The following TPGS1 variants were observed in gnomAD, a reference collection of about 807,000 sequenced individuals.
TPGS1 encodes the protein tubulin polyglutamylase complex subunit 1.
A neutral mutation model predicts 11.9 loss-of-function variants in TPGS1; 18 were observed. The observed-to-expected ratio is 1.51, with a 90% CI of 1.04 to 2.24. The LOEUF is 2.24. Among genes scored for constraint, TPGS1 ranks in the 30% most tolerant of loss-of-function variants. The probability of loss-of-function intolerance (pLI) is 0.00; values close to 1 mark genes in which losing one functional copy is unlikely to be tolerated. For missense variants in TPGS1, 500 were observed against 443.0 expected (o/e 1.13, Z -1.16); for synonymous variants, 247 against 218.2 (o/e 1.13, Z -1.16).
At chr19:512,944 C>A (rs1231163629) in intron 1 of TPGS1, among the ~76,000 whole-genome samples, 2 of 152,238 alleles carry the variant, frequency 1.3e-5, no homozygotes, top group Non-Finnish European at 2.9e-5. Context: ...AAGAGCCGCG[C>A]GGGTTCCCCT....
rs1259652212 is a variant in TPGS1, at chr19:507,804, C to T, written c.298C>T (p.Arg100Cys). Reference protein sequence around the residue: ...QLLLQQQRLGRALWHLRLAHH... With the variant: ...QLLLQQQRLGCALWHLRLAHH... ...CCTGCTGCAGCAGCAGCGCCTGGGC[C>T]GCGCGCTATGGCACCTTCGCCTGGC... The change falls in exon 1 of 2, where the codon CGC becomes TGC. Residue 100 changes from arginine (R) to cysteine (C), a missense_variant. Arg to Cys is a radical substitution (Grantham distance 180). Coordinates refer to ENST00000359315, the MANE Select transcript of TPGS1 (RefSeq NM_033513.3). 2 of 1,377,118 alleles carry T rather than the reference C, an allele frequency of 1.5e-6. No individual in the cohort carries two copies. Among genetic ancestry groups the T allele is most frequent in the Non-Finnish European group, 1.9e-6 (2 of 1,069,284 alleles). The allele number at this position is 1,377,118 out of a possible 1,614,324, so 85.3% of individuals were successfully genotyped here. A position where few individuals can be genotyped will look rare whatever the true frequency, so the allele number is the denominator to read the frequency against.
In TPGS1 at chr19:519,080, C is replaced by T; in HGVS notation, c.530C>T (p.Pro177Leu). ...CAGTGCCGTGACCACGAGGCGGTGC[C>T]GCTGAGCGTCTTCCGCGCGGGCACA... ...KVQCRDHEAV[P>L]LSVFRAGTLT... Residue 177 changes from proline (P) to leucine (L), a missense_variant, in exon 2 of 2, where the codon CCG (proline) becomes CTG (leucine). Physicochemically the swap from Pro to Leu is moderately conservative, Grantham distance 98 (BLOSUM62 -3). Transcript: ENST00000359315. 1 of 1,533,582 alleles carries T rather than the reference C, an allele frequency of 6.5e-7. No individual in the cohort carries two copies. Among genetic ancestry groups the T allele is most frequent in the African/African-American group, 1.4e-5 (1 of 72,112 alleles). The allele number at this position is 1,533,582 out of a possible 1,614,324, so 95.0% of individuals were successfully genotyped here.
At chr19:516,230 C>T (rs982519412) in intron 1 of TPGS1, among the ~76,000 whole-genome samples, 5 of 152,088 alleles carry the variant, frequency 3.3e-5, no homozygotes, top group Admixed American at 2.6e-4. Flanking sequence ...AGGTGATCAC[C>T]GGCTCAGCTG....
At chr19:513,569 C>T (rs1274208919) in intron 1 of TPGS1, among the ~76,000 whole-genome samples, 1 of 148,378 alleles carries the variant, frequency 6.7e-6, no homozygotes, top group Admixed American at 6.7e-5. Flanking sequence ...ACTGTGCACC[C>T]GCCCAGCATT....
intron 1 of TPGS1, among the ~76,000 whole-genome samples, chr19:511,304 C>T (rs898350275): frequency 3.6e-4 from 55 of 152,360 alleles, no homozygotes; most frequent in Admixed American, 3.5e-3. Context: ...CCAGGAGGGG[C>T]GGGTATGCGG....
Position 518,886 on chromosome 19 carries a change from C to T in TPGS1, c.339-3C>T. 2.0e-6 allele frequency: 3 copies of T among 1,515,404 alleles called. No individual in the cohort carries two copies. Among genetic ancestry groups the T allele is most frequent in the Non-Finnish European group, 2.6e-6 (3 of 1,139,196 alleles). 93.9% of individuals were successfully genotyped at this position (1,515,404 alleles called of 1,614,324 possible). ...CCGGCCCCCAACGTCCCCGTCTCCG[C>T]AGGGCCGCCTTCAACAACAACGTGA... On this transcript the variant is annotated splice_polypyrimidine_tract_variant and splice_region_variant and intron_variant, in intron 1 of 1. Coordinates refer to ENST00000359315, the MANE Select transcript of TPGS1 (RefSeq NM_033513.3).
intron 1 of TPGS1, among the ~76,000 whole-genome samples, chr19:515,460 G>A (rs1374936192): frequency 2.6e-5 from 4 of 152,058 alleles, no homozygotes; most frequent in Non-Finnish European, 5.9e-5. Context: ...AGCACAGACT[G>A]GGCGCAGTGG....
At position 519,086 on chromosome 19, in the gene TPGS1, G is replaced by C. The variant is rs1448304649; in HGVS notation, c.536G>C (p.Ser179Thr). 6.5e-7 allele frequency: 1 copy of C among 1,532,700 alleles called. No homozygotes were observed. The allele number at this position is 1,532,700 out of a possible 1,614,324, so 94.9% of individuals were successfully genotyped here. ...CGTGACCACGAGGCGGTGCCGCTGA[G>C]CGTCTTCCGCGCGGGCACACTCACC... is the stretch of plus-strand genomic sequence containing the variant. Reference protein sequence around the residue: ...QCRDHEAVPLSVFRAGTLTCF... With the variant: ...QCRDHEAVPLTVFRAGTLTCF... The change falls in exon 2 of 2, where the codon AGC (serine) becomes ACC (threonine). Residue 179 changes from serine (S) to threonine (T), a missense_variant. Physicochemically the swap from Ser to Thr is moderately conservative, Grantham distance 58. Transcript: ENST00000359315.
Position 514,616 on chromosome 19 carries a change from G to C in TPGS1, c.339-4273G>C, listed in dbSNP as rs541925720. The stretch of plus-strand genomic sequence containing the variant: ...ACAGAAAGGTGAAGTCGTGTGCCCA[G>C]GTCATGCCGGAGGGAAGGCTGCCCT... On this transcript the variant is annotated intron_variant, in intron 1 of 1. Coordinates refer to ENST00000359315, the MANE Select transcript of TPGS1 (RefSeq NM_033513.3). Among the ~76,000 whole-genome samples, 4 of 152,362 alleles carry C rather than the reference G, an allele frequency of 2.6e-5. No homozygotes were observed. In the South Asian group the frequency reaches 8.3e-4, roughly 32 times the overall value.
Position 507,516 on chromosome 19 carries a change from G to C in TPGS1, c.10G>C (p.Val4Leu), listed in dbSNP as rs766243792. 3.5e-6 allele frequency: 5 copies of C among 1,422,126 alleles called. No homozygotes were observed. Among genetic ancestry groups the C allele is most frequent in the Non-Finnish European group, 3.7e-6 (4 of 1,083,884 alleles). 88.1% of individuals were successfully genotyped at this position (1,422,126 alleles called of 1,614,324 possible). MAA[V>L]EKRRQAVPPP... ...GCTGCCCTCAGCGAAGATGGCGGCA[G>C]TGGAGAAGCGGCGGCAAGCGGTACC... The change falls in exon 1 of 2, where the codon GTG (valine) becomes CTG (leucine). Residue 4 changes from valine (V) to leucine (L), a missense_variant. Val to Leu is a conservative substitution (Grantham distance 32). Transcript: ENST00000359315.
intron 1 of TPGS1, 104 bp from the exon 2 acceptor site, chr19:518,785 G>C (rs1979050039): frequency 1.8e-5 from 23 of 1,284,544 alleles, no homozygotes; most frequent in Non-Finnish European, 2.3e-5. Context: ...GCCAGGGCTG[G>C]CTGGGGGGTC....
In TPGS1 at chr19:519,499, C is replaced by T. The variant is rs1979084859; in HGVS notation, c.*76C>T. Reference sequence around the variant, plus strand: ...CGGGGCGCGCGGAGCCTTCCCTTCGCCCTGGTGAGGCCCTGCCATAACCAG... The same window carrying T: ...CGGGGCGCGCGGAGCCTTCCCTTCGTCCTGGTGAGGCCCTGCCATAACCAG... On this transcript the variant is annotated 3_prime_UTR_variant, in exon 2 of 2. Coordinates refer to ENST00000359315, the MANE Select transcript of TPGS1 (RefSeq NM_033513.3). 8.8e-7 allele frequency: 1 copy of T among 1,141,722 alleles called. No individual in the cohort carries two copies. Among genetic ancestry groups the T allele is most frequent in the Admixed American group, 4.6e-5 (1 of 21,518 alleles). 70.7% of individuals were successfully genotyped at this position (1,141,722 alleles called of 1,614,324 possible). A position where few individuals can be genotyped will look rare whatever the true frequency, so the allele number is the denominator to read the frequency against.
chr19:519,095 G>T lies in TPGS1; in HGVS notation c.545G>T (p.Arg182Leu). ...DHEAVPLSVF[R>L]AGTLTCFVLL... Reference sequence around the variant, plus strand: ...GAGGCGGTGCCGCTGAGCGTCTTCCGCGCGGGCACACTCACCTGCTTCGTG... The same window carrying T: ...GAGGCGGTGCCGCTGAGCGTCTTCCTCGCGGGCACACTCACCTGCTTCGTG... The change falls in exon 2 of 2, where the codon CGC becomes CTC. Residue 182 changes from arginine to leucine, a missense_variant. By Grantham distance (102) the Arg-to-Leu change is moderately radical. Transcript: ENST00000359315. The T allele has an allele frequency of 6.5e-7, 1 of 1,532,126 alleles. No individual in the cohort carries two copies. The highest frequency in any genetic ancestry group is 8.7e-7 in the Non-Finnish European group (1 of 1,145,416). The allele number at this position is 1,532,126 out of a possible 1,614,324, so 94.9% of individuals were successfully genotyped here.
At position 518,975 on chromosome 19, in the gene TPGS1, C is replaced by T. The variant is rs947851750; in HGVS notation, c.425C>T (p.Thr142Ile). Residue 142 changes from threonine (T) to isoleucine (I), a missense_variant, in exon 2 of 2, where the codon ACC becomes ATC. By Grantham distance (89) the Thr-to-Ile change is moderately conservative. Coordinates refer to ENST00000359315, the MANE Select transcript of TPGS1 (RefSeq NM_033513.3). ...AAGAGGCCGGGGCTGGACGGGCGCA[C>T]CTACAGCGAGCTGCTCAGGCGCATC... ...RRKRPGLDGR[T>I]YSELLRRICR... is the part of the protein sequence containing the mutation. 2.5e-6 allele frequency: 4 copies of T among 1,585,672 alleles called. No homozygotes were observed. Among genetic ancestry groups the T allele is most frequent in the Non-Finnish European group, 3.4e-6 (4 of 1,173,496 alleles).
At chr19:510,700 C>T (rs942665306) in intron 1 of TPGS1, among the ~76,000 whole-genome samples, 7 of 151,716 alleles carry the variant, frequency 4.6e-5, no homozygotes, top group Admixed American at 4.6e-4. Context: ...GTCAGAGAGC[C>T]CCAGAGTGCA....
chr19:512,607 A>G (rs1224059128), intron 1 of TPGS1, among the ~76,000 whole-genome samples: 1 of 152,252 alleles, frequency 6.6e-6, no homozygotes, highest in East Asian at 1.9e-4. Flanking sequence ...GGGGCAAAGC[A>G]AGGCCCAGAG....
intron 1 of TPGS1, among the ~76,000 whole-genome samples, chr19:512,752 C>T (rs1170806673): frequency 6.6e-6 from 1 of 152,278 alleles, no homozygotes; most frequent in Admixed American, 6.5e-5. Context: ...GGTGCCGTCC[C>T]TTCCCCCTGC....
chr19:516,297 TCGTAAGGCGGGAACTA>T (rs1429741751), intron 1 of TPGS1, among the ~76,000 whole-genome samples: 1 of 151,880 alleles, frequency 6.6e-6, no homozygotes, highest in Non-Finnish European at 1.5e-5. Flanking sequence ...TTTTTAAACA[TCGTAAGGCGGGAACTA>T]CGTGAGGCGG....
chr19:518,904 C>A lies in TPGS1; in HGVS notation c.354C>A (p.Asn118Lys). ...AHHSQRAAFN[N>K]NVSVAYECLS... is the part of the protein sequence containing the mutation. Reference sequence around the variant, plus strand: ...GTCTCCGCAGGGCCGCCTTCAACAACAACGTGAGCGTGGCCTACGAGTGCC... The same window carrying A: ...GTCTCCGCAGGGCCGCCTTCAACAAAAACGTGAGCGTGGCCTACGAGTGCC... The change falls in exon 2 of 2, where the codon AAC becomes AAA. Residue 118 changes from asparagine to lysine, a missense_variant. By Grantham distance (94) the Asn-to-Lys change is moderately conservative. Coordinates refer to ENST00000359315, the MANE Select transcript of TPGS1 (RefSeq NM_033513.3). 6.5e-7 allele frequency: 1 copy of A among 1,542,684 alleles called. No homozygotes were observed. The highest frequency in any genetic ancestry group is 1.2e-5 in the South Asian group (1 of 83,680).
Sources: allele counts gnomAD v4.1 joint callset (sites outside exome capture counted in the v4.1 genomes callset), GRCh38; gene constraint gnomAD v4.1.1; transcripts MANE v1.5; gene names NCBI Gene and HGNC (gene_info 2026-07-23, HGNC 2026-07-21).